The following PPARGC1A variants were observed in gnomAD, a reference collection of about 807,000 sequenced individuals.
The protein encoded by PPARGC1A is peroxisome proliferator-activated receptor gamma coactivator 1-alpha.
PPARGC1A carries 25 observed loss-of-function variants against 88.7 expected under a neutral mutation model. The observed-to-expected ratio is 0.28, with a 90% CI of 0.21 to 0.39. PPARGC1A has a LOEUF of 0.39. PPARGC1A is among the 10% of genes least tolerant of loss of function. The probability of loss-of-function intolerance (pLI) is 1.00; values close to 1 mark genes in which losing one functional copy is unlikely to be tolerated. For synonymous variants in PPARGC1A, 363 were observed against 355.6 expected (o/e 1.02, Z -0.24); for missense variants, 880 against 968.7 (o/e 0.91, Z 1.22).
chr4:24,298,965 C>T, the PPARGC1A span, among the ~76,000 whole-genome samples: 2 of 152,184 alleles, frequency 1.3e-5, no homozygotes, highest in African/African-American at 4.8e-5. Flanking sequence ...ACCTAAACAA[C>T]TCCTCTTCCT....
Position 23,831,683 on chromosome 4 carries a change from C to A in PPARGC1A, c.303G>T (p.Val101=), listed in dbSNP as rs930636616. ...VLTETLDSLP[V]DEDGLPSFDA... is the part of the protein sequence containing the mutation. ...CAAATGAGGGCAATCCGTCTTCATC[C>A]ACAGGGAGACTGTCTAGTGTCTCTG... is the stretch of plus-strand genomic sequence containing the variant. The change falls in exon 3 of 13, where the codon GTG becomes GTT. Residue 101 remains valine (V), a synonymous_variant. Coordinates refer to ENST00000264867, the MANE Select transcript of PPARGC1A (RefSeq NM_013261.5). 3 of 1,613,768 alleles carry A rather than the reference C, an allele frequency of 1.9e-6. No homozygotes were observed. The highest frequency in any genetic ancestry group is 2.5e-6 in the Non-Finnish European group (3 of 1,179,818).
At position 23,820,433 on chromosome 4, in the gene PPARGC1A, AC is replaced by A. The variant is rs1722810370; in HGVS notation, c.877+3846del. On this transcript the variant is annotated intron_variant, in intron 7 of 12. Transcript: ENST00000264867. ...AAATTTTGGGGTCACTTTGGTCCCT[AC>A]CCAAATTCCTTCGTGTCTGTGGTTT... 1.4e-5 allele frequency: 3 copies of A among 218,426 alleles called. No individual in the cohort carries two copies. In the South Asian group the frequency reaches 1.7e-4, roughly 12 times the overall value. The allele number at this position is 218,426 out of a possible 1,614,324, so 13.5% of individuals were successfully genotyped here. A position where few individuals can be genotyped will look rare whatever the true frequency, so the allele number is the denominator to read the frequency against.
At chr4:23,860,478 A>T (rs1214265046) in intron 2 of PPARGC1A, among the ~76,000 whole-genome samples, 2 of 152,204 alleles carry the variant, frequency 1.3e-5, no homozygotes, top group Non-Finnish European at 2.9e-5. Flanking sequence ...TACAAAAAAA[A>T]GTAACTATGT....
chr4:24,021,096 C>T, the PPARGC1A span, among the ~76,000 whole-genome samples: 2 of 152,210 alleles, frequency 1.3e-5, no homozygotes, highest in South Asian at 4.1e-4. Context: ...AATGTGTTGG[C>T]CTTGAAGCAG....
the PPARGC1A span, among the ~76,000 whole-genome samples, chr4:23,999,763 G>A: frequency 6.6e-6 from 1 of 152,102 alleles, no homozygotes. Context: ...TCCTTGCACG[G>A]GAAAGAAAAA....
At chr4:23,809,770 CA>C (rs1720524733) in intron 10 of PPARGC1A, among the ~76,000 whole-genome samples, 1 of 152,122 alleles carries the variant, frequency 6.6e-6, no homozygotes. Context: ...ATGGCCCAAT[CA>C]AATTAACCGT....
chr4:23,802,582 G>A (rs989859162), intron 10 of PPARGC1A, among the ~76,000 whole-genome samples: 46 of 149,870 alleles, frequency 3.1e-4, no homozygotes, highest in African/African-American at 8.6e-4. Flanking sequence ...GGAGGCTGAC[G>A]CAGAGAATTG....
chr4:24,441,991 G>A, the PPARGC1A span, among the ~76,000 whole-genome samples: 3 of 152,208 alleles, frequency 2.0e-5, no homozygotes, highest in Admixed American at 1.3e-4. Context: ...ATTTTTCAAC[G>A]TATCAGTTAT....
chr4:24,346,555 T>C, the PPARGC1A span, among the ~76,000 whole-genome samples: 4 of 151,956 alleles, frequency 2.6e-5, no homozygotes, highest in Non-Finnish European at 5.9e-5. Flanking sequence ...ACACTTTCTA[T>C]GTGCATAAAG....
chr4:23,869,551 C>T (rs1166743736), intron 2 of PPARGC1A, among the ~76,000 whole-genome samples: 2 of 151,950 alleles, frequency 1.3e-5, no homozygotes, highest in Admixed American at 6.6e-5. Flanking sequence ...TTAGGAAGCC[C>T]AGTCCTGTAC....
chr4:23,962,162 A>T, the PPARGC1A span, among the ~76,000 whole-genome samples: 1 of 152,102 alleles, frequency 6.6e-6, no homozygotes, highest in African/African-American at 2.4e-5. Flanking sequence ...AGAAATAGCA[A>T]GGGGACAATT....
the PPARGC1A span, among the ~76,000 whole-genome samples, chr4:23,931,090 C>T: frequency 2.6e-5 from 4 of 152,180 alleles, no homozygotes. Context: ...CAGGGAGTCA[C>T]CTGCTCACCC....
the PPARGC1A span, among the ~76,000 whole-genome samples, chr4:24,214,055 G>C: frequency 6.6e-6 from 1 of 152,194 alleles, no homozygotes; most frequent in African/African-American, 2.4e-5. Context: ...ATTCCGATCA[G>C]AATGGAATGT....
chr4:24,020,723 C>T, the PPARGC1A span, among the ~76,000 whole-genome samples: 5 of 152,082 alleles, frequency 3.3e-5, no homozygotes, highest in Admixed American at 2.0e-4. Context: ...ACAGAGGAGG[C>T]GCCTTCCTCA....
At chr4:24,008,099 G>A in the PPARGC1A span, among the ~76,000 whole-genome samples, 1 of 152,164 alleles carries the variant, frequency 6.6e-6, no homozygotes, top group African/African-American at 2.4e-5. Context: ...GACTGGGAAT[G>A]CACAAGGAGA....
the PPARGC1A span, among the ~76,000 whole-genome samples, chr4:24,384,757 G>T: frequency 6.6e-6 from 1 of 152,104 alleles, no homozygotes; most frequent in East Asian, 1.9e-4. Context: ...CTCTTAGAGA[G>T]CTATAAAGAG....
the PPARGC1A span, among the ~76,000 whole-genome samples, chr4:24,045,835 C>A: frequency 6.6e-6 from 1 of 152,086 alleles, no homozygotes; most frequent in East Asian, 1.9e-4. Context: ...CTTTCCTGAC[C>A]TCACAGTCTA....
chr4:23,874,621 G>T (rs997142932), intron 2 of PPARGC1A, among the ~76,000 whole-genome samples: 2 of 151,630 alleles, frequency 1.3e-5, no homozygotes, highest in Non-Finnish European at 2.9e-5. Context: ...CTCTCACTAC[G>T]CTTTGTAAAA....
the PPARGC1A span, among the ~76,000 whole-genome samples, chr4:24,387,800 G>C: frequency 9.3e-6 from 1 of 107,282 alleles, no homozygotes; most frequent in Admixed American, 1.1e-4. Context: ...AAGAAAGAAA[G>C]AAAGAAAGAA....
Sources: gnomAD v4.1 joint callset for allele counts (sites outside exome capture counted in the v4.1 genomes callset) on GRCh38, gnomAD v4.1.1 for gene constraint, MANE v1.5 for transcripts, NCBI Gene and HGNC (gene_info 2026-07-23, HGNC 2026-07-21) for gene names.